Variants in MED16 observed in about 807,000 individuals in gnomAD.
MED16 encodes the protein mediator of RNA polymerase II transcription subunit 16.
A neutral mutation model predicts 84.4 loss-of-function variants in MED16; 81 were observed. That is an observed-to-expected ratio of 0.96 (90% CI 0.80 to 1.15). MED16 has a LOEUF of 1.15. Ranked by LOEUF, MED16 falls within the 50% of genes most tolerant of loss-of-function variation. MED16 has a pLI of 0.00. For missense variants in MED16, 1,585 were observed against 1,245.9 expected, an observed-to-expected ratio of 1.27 and a Z score of -4.10; for synonymous variants, 897 against 552.2, an observed-to-expected ratio of 1.62 and a Z score of -8.76.
chr19:878,252 AGCCCCACG>A (rs2036311882), intron 8 of MED16, among the ~76,000 whole-genome samples: 1 of 22,588 alleles, frequency 4.4e-5, no homozygotes, highest in African/African-American at 1.9e-4. Context: ...CCCCAGCCCC[AGCCCCACG>A]GGCCCCAGCA....
intron 9 of MED16, among the ~76,000 whole-genome samples, chr19:875,773 G>C (rs963381037): frequency 1.3e-5 from 2 of 152,130 alleles, no homozygotes; most frequent in Non-Finnish European, 2.9e-5. Context: ...CTGCTCAACA[G>C]GACACCCCCA....
intron 3 of MED16, 52 bp downstream of exon 3, chr19:890,085 C>T: frequency 7.2e-6 from 10 of 1,389,432 alleles, no homozygotes; most frequent in South Asian, 1.2e-5. Flanking sequence ...CAGGGCCCCC[C>T]TGCTCCGGGA....
At position 877,146 on chromosome 19, in the gene MED16, T is replaced by TG; in HGVS notation, c.1387dup (p.His463ProfsTer111). 1 of 1,611,792 alleles carries TG rather than the reference T, an allele frequency of 6.2e-7. No individual in the cohort carries two copies. Among genetic ancestry groups the TG allele is most frequent in the Non-Finnish European group, 8.5e-7 (1 of 1,179,624 alleles). On this transcript the variant is annotated frameshift_variant, in exon 9 of 16. Coordinates refer to ENST00000325464, the MANE Select transcript of MED16 (RefSeq NM_005481.3). LOFTEE classifies it high-confidence loss of function. ...CAGCGCCAGCCCCACCTCCAGCGGG[T>TG]GGCCCATGGAAGGTGAGAGGCGGAG...
At chr19:871,359 C>T (rs2036049421) in intron 12 of MED16, 106 bp from the exon 13 acceptor site, 1 of 1,359,116 alleles carries the variant, frequency 7.4e-7, no homozygotes. Flanking sequence ...AGGTCAGGGC[C>T]CCAGCTCTGT....
chr19:876,894 G>GAGGCCCCACCTGCCAT (rs2036249157), intron 9 of MED16, 80 bp downstream of exon 9: 1 of 1,425,448 alleles, frequency 7.0e-7, no homozygotes, highest in African/African-American at 1.5e-5. Context: ...CACCTGCCAC[G>GAGGCCCCACCTGCCAT]GGGCCCCACC....
At chr19:887,523 G>C (rs111830851) in intron 4 of MED16, among the ~76,000 whole-genome samples, 3 of 151,912 alleles carry the variant, frequency 2.0e-5, no homozygotes, top group African/African-American at 7.3e-5. Flanking sequence ...AAAATTAGCC[G>C]GGCGCGGTGG....
chr19:871,708 G>C, intron 12 of MED16: 1 of 1,376,938 alleles, frequency 7.3e-7, no homozygotes, highest in Admixed American at 1.8e-5. Flanking sequence ...CCACCTGCAG[G>C]GGCTTATGTT....
At chr19:880,198 C>G in intron 7 of MED16, 50 bp from the exon 8 acceptor site, 1 of 1,517,434 alleles carries the variant, frequency 6.6e-7, no homozygotes, top group South Asian at 1.2e-5. Flanking sequence ...AGGACACGCC[C>G]GCCGGGGGAG....
At chr19:870,811 G>C (rs2036030659) in intron 13 of MED16, among the ~76,000 whole-genome samples, 1 of 149,504 alleles carries the variant, frequency 6.7e-6, no homozygotes, top group African/African-American at 2.5e-5. Flanking sequence ...AGGACATGGA[G>C]GGAGGGAGCC....
chr19:889,919 G>C (rs565713710), intron 3 of MED16, 112 bp from the exon 4 acceptor site: 2 of 1,313,300 alleles, frequency 1.5e-6, no homozygotes, highest in African/African-American at 2.9e-5. Context: ...CTCGGCCCAG[G>C]TAGGGCACAG....
intron 11 of MED16, among the ~76,000 whole-genome samples, chr19:872,471 G>C (rs892706458): frequency 6.6e-6 from 1 of 152,058 alleles, no homozygotes; most frequent in Non-Finnish European, 1.5e-5. Flanking sequence ...TGGGAGCTGA[G>C]AGGACCAGGG....
rs746984441 is a variant in MED16, at chr19:881,726, G to C, written c.986-12C>G. The C allele has an allele frequency of 8.7e-6, 14 of 1,607,392 alleles. No homozygotes were observed. Among genetic ancestry groups the C allele is most frequent in the Non-Finnish European group, 1.2e-5 (14 of 1,175,932 alleles). ...CTGTTTGTCGCCAACTGAAAAATCA[G>C]GGGCAGGAAAACAGGAAGGCAATGG... On this transcript the variant is annotated splice_polypyrimidine_tract_variant and intron_variant, in intron 6 of 15. Transcript: ENST00000325464.
chr19:880,249 C>CCCTGG, intron 7 of MED16, 101 bp from the exon 8 acceptor site: 2 of 1,141,770 alleles, frequency 1.8e-6, no homozygotes, highest in Non-Finnish European at 2.4e-6. Context: ...CGGGGCTGCC[C>CCCTGG]ATCCAGGGGG....
chr19:877,590 G>A (rs1383364984), intron 8 of MED16, among the ~76,000 whole-genome samples: 1 of 152,106 alleles, frequency 6.6e-6, no homozygotes, highest in Non-Finnish European at 1.5e-5. Context: ...GGCTGGCGAG[G>A]GGCTTGCACC....
At chr19:889,009 C>G (rs1411633231) in intron 4 of MED16, among the ~76,000 whole-genome samples, 2 of 151,908 alleles carry the variant, frequency 1.3e-5, no homozygotes, top group Non-Finnish European at 2.9e-5. Context: ...AGAGCCTGAA[C>G]CCAGGTGCCC....
chr19:877,921 C>T, intron 8 of MED16, among the ~76,000 whole-genome samples: 1 of 142,886 alleles, frequency 7.0e-6, no homozygotes, highest in South Asian at 2.2e-4. Flanking sequence ...CGTGCCCCAG[C>T]AGCTCACCTT....
rs1190105543 is a variant in MED16, at chr19:875,259, T to C, written c.1756A>G (p.Lys586Glu). ...AAGGACCCACCGACGTCGGTGATCT[T>C]GGTGCAGATCTCGGTCAGCCGGTCG... The part of the protein sequence containing the change: ...PGDRLTEICT[K>E]ITDVDIDKVM... Residue 586 changes from lysine to glutamate, a missense_variant, in exon 10 of 16, where the codon AAG becomes GAG. By Grantham distance (56) the Lys-to-Glu change is moderately conservative. Coordinates refer to ENST00000325464, the MANE Select transcript of MED16 (RefSeq NM_005481.3). The C allele has an allele frequency of 1.2e-6, 2 of 1,610,226 alleles. No homozygotes were observed. The highest frequency in any genetic ancestry group is 1.1e-5 in the South Asian group (1 of 90,914).
At position 868,851 on chromosome 19, in the gene MED16, G is replaced by C. The variant is rs570043273; in HGVS notation, c.2399+12C>G. On this transcript the variant is annotated intron_variant, in intron 14 of 15. Coordinates refer to ENST00000325464, the MANE Select transcript of MED16 (RefSeq NM_005481.3). ...ACATCTCTGGGAGTCAGCGGTTCCG[G>C]GGGCCCCTCACCTGGTGCAGGCCTT... 1.6e-5 allele frequency: 25 copies of C among 1,546,046 alleles called. No individual in the cohort carries two copies. The African/African-American group carries it at 3.0e-4, about 19-fold the overall frequency.
At chr19:883,163 G>A (rs1273884267) in intron 6 of MED16, among the ~76,000 whole-genome samples, 1 of 152,246 alleles carries the variant, frequency 6.6e-6, no homozygotes, top group East Asian at 1.9e-4. Context: ...CTTGAGGCAG[G>A]GAGAAGCTAA....
Sources: gnomAD v4.1 joint callset for allele counts (sites outside exome capture counted in the v4.1 genomes callset) on GRCh38, gnomAD v4.1.1 for gene constraint, MANE v1.5 for transcripts, NCBI Gene and HGNC (gene_info 2026-07-23, HGNC 2026-07-21) for gene names.